The following PHACTR1 variants were observed in gnomAD, a reference collection of about 807,000 sequenced individuals.
The protein encoded by PHACTR1 is phosphatase and actin regulator 1.
A neutral mutation model predicts 69.2 loss-of-function variants in PHACTR1; 16 were observed. The observed-to-expected ratio is 0.23, with a 90% CI of 0.16 to 0.35. PHACTR1 has a LOEUF of 0.35. Ranked by LOEUF, PHACTR1 falls within the 10% of genes least tolerant of loss-of-function variation. PHACTR1 has a pLI of 1.00. For synonymous variants in PHACTR1, 312 were observed against 284.5 expected, an observed-to-expected ratio of 1.10 and a Z score of -0.97; for missense variants, 510 against 734.7, an observed-to-expected ratio of 0.69 and a Z score of 3.54.
chr6:12,931,547 G>C lies in PHACTR1; in HGVS notation c.251-121818G>C, dbSNP rs140459850. On this transcript the variant is annotated intron_variant, in intron 4 of 14. Coordinates refer to ENST00000332995, the MANE Select transcript of PHACTR1 (RefSeq NM_030948.6). ...TGCAGTCTAAGTAAGCTCATACTGT[G>C]GGGCATTGCTTATGTAAATAGCAAA... Among the ~76,000 whole-genome samples, 3 of 152,164 alleles carry C rather than the reference G, an allele frequency of 2.0e-5. No individual in the cohort carries two copies. The East Asian group carries it at 5.8e-4, about 29-fold the overall frequency.
At chr6:12,776,268 A>G (rs980573241) in intron 4 of PHACTR1, among the ~76,000 whole-genome samples, 1 of 152,228 alleles carries the variant, frequency 6.6e-6, no homozygotes, top group African/African-American at 2.4e-5. Context: ...GAAGAAAAAC[A>G]TGAGAATTTT....
At chr6:12,993,403 A>C (rs920882251) in intron 4 of PHACTR1, among the ~76,000 whole-genome samples, 1 of 152,212 alleles carries the variant, frequency 6.6e-6, no homozygotes, top group African/African-American at 2.4e-5. Flanking sequence ...ACACGTAAAG[A>C]AATAATCAGA....
At chr6:12,960,229 G>A (rs919441166) in intron 4 of PHACTR1, among the ~76,000 whole-genome samples, 5 of 152,122 alleles carry the variant, frequency 3.3e-5, no homozygotes, top group African/African-American at 7.2e-5. Context: ...ATAGAACATC[G>A]CGTAGTGCTG....
chr6:13,049,249 CT>C (rs35897489), intron 4 of PHACTR1, among the ~76,000 whole-genome samples: 18,874 of 148,554 alleles, frequency 0.13, 3,340 homozygotes, highest in African/African-American at 0.4. Flanking sequence ...TCTCATGGCA[CT>C]TTTTTTTTTA....
intron 3 of PHACTR1, among the ~76,000 whole-genome samples, chr6:12,724,083 T>C (rs1407917503): frequency 2.0e-5 from 3 of 152,186 alleles, no homozygotes; most frequent in African/African-American, 7.2e-5. Context: ...ATCCCAGCAC[T>C]TTGGGAGGCC....
At chr6:12,798,549 G>A (rs1356812722) in intron 4 of PHACTR1, among the ~76,000 whole-genome samples, 1 of 152,198 alleles carries the variant, frequency 6.6e-6, no homozygotes, top group African/African-American at 2.4e-5. Flanking sequence ...ACAACGGACT[G>A]AGTAACAAAT....
At position 12,960,836 on chromosome 6, in the gene PHACTR1, A is replaced by G. The variant is rs1336059850; in HGVS notation, c.251-92529A>G. ...ACAATTCCAAGCCTCCACTAGGGAC[A>G]ACACAGAATCTACTACCCTTAAATG... On this transcript the variant is annotated intron_variant, in intron 4 of 14. Transcript: ENST00000332995. Among the ~76,000 whole-genome samples the G allele has an allele frequency of 5.3e-5, 8 of 152,354 alleles. No individual in the cohort carries two copies. In the East Asian group the frequency reaches 1.5e-3, roughly 29 times the overall value.
At chr6:12,827,238 G>T (rs1478955528) in intron 4 of PHACTR1, among the ~76,000 whole-genome samples, 1 of 152,166 alleles carries the variant, frequency 6.6e-6, no homozygotes, top group Non-Finnish European at 1.5e-5. Flanking sequence ...TCACCACATA[G>T]ATGAGAAGGC....
chr6:12,947,463 C>A (rs1161136223), intron 4 of PHACTR1, among the ~76,000 whole-genome samples: 1 of 151,668 alleles, frequency 6.6e-6, no homozygotes, highest in African/African-American at 2.4e-5. Context: ...GGAAAAACAT[C>A]TGAAAAAACA....
At chr6:12,761,900 C>G (rs1768061727) in intron 4 of PHACTR1, among the ~76,000 whole-genome samples, 1 of 152,180 alleles carries the variant, frequency 6.6e-6, no homozygotes. Flanking sequence ...CCACTCAAAC[C>G]ATAGAATGAC....
chr6:12,734,305 G>T (rs1483419167), intron 3 of PHACTR1, among the ~76,000 whole-genome samples: 1 of 152,148 alleles, frequency 6.6e-6, no homozygotes, highest in Non-Finnish European at 1.5e-5. Flanking sequence ...TTATGCCAAG[G>T]TTTAATTTCT....
At chr6:13,284,263 A>G (rs942983239) in intron 13 of PHACTR1, among the ~76,000 whole-genome samples, 6 of 152,074 alleles carry the variant, frequency 3.9e-5, no homozygotes, top group South Asian at 2.1e-4. Flanking sequence ...CACGCCTGTA[A>G]TCCCAGCACT....
At chr6:13,018,036 T>C (rs1022819575) in intron 4 of PHACTR1, among the ~76,000 whole-genome samples, 1 of 152,192 alleles carries the variant, frequency 6.6e-6, no homozygotes. Context: ...TTCCCAAGTT[T>C]TGTTTTAGGG....
chr6:13,001,741 C>T (rs972550999), intron 4 of PHACTR1, among the ~76,000 whole-genome samples: 2 of 152,224 alleles, frequency 1.3e-5, no homozygotes, highest in Non-Finnish European at 2.9e-5. Context: ...GTCTTCTCTC[C>T]TCCTTCTCAC....
intron 7 of PHACTR1, among the ~76,000 whole-genome samples, chr6:13,191,958 T>C (rs9357634): frequency 0.23 from 34,777 of 152,216 alleles, 5,193 homozygotes; most frequent in East Asian, 0.56. Flanking sequence ...AAACAGTTTT[T>C]AAAGGATGCT....
chr6:13,287,177 C>T lies in PHACTR1; in HGVS notation c.*99C>T. The T allele has an allele frequency of 8.7e-7, 1 of 1,154,810 alleles. No individual in the cohort carries two copies. The highest frequency in any genetic ancestry group is 1.2e-6 in the Non-Finnish European group (1 of 817,632). 71.5% of individuals were successfully genotyped at this position (1,154,810 alleles called of 1,614,324 possible). On this transcript the variant is annotated 3_prime_UTR_variant, in exon 15 of 15. Coordinates refer to ENST00000332995, the MANE Select transcript of PHACTR1 (RefSeq NM_030948.6). ...TTCACTTCCCCATTACGATGTAAAT[C>T]TTCTGAACTGCCTTTTTTTTAAAAA...
chr6:13,058,393 A>G (rs1380118201), intron 5 of PHACTR1, among the ~76,000 whole-genome samples: 3 of 152,128 alleles, frequency 2.0e-5, no homozygotes, highest in Non-Finnish European at 4.4e-5. Flanking sequence ...TTGTGCTTCT[A>G]AGATTTTCTG....
intron 8 of PHACTR1, among the ~76,000 whole-genome samples, chr6:13,208,016 C>T (rs1194451617): frequency 6.6e-6 from 1 of 152,062 alleles, no homozygotes; most frequent in Non-Finnish European, 1.5e-5. Context: ...AACACCTGCC[C>T]TTGCTGCAAA....
chr6:12,819,881 T>C (rs1293126217), intron 4 of PHACTR1, among the ~76,000 whole-genome samples: 1 of 152,166 alleles, frequency 6.6e-6, no homozygotes, highest in East Asian at 1.9e-4. Context: ...TCTAGCTTAT[T>C]CTTGGGATTA....
Sources: gnomAD v4.1 joint callset for allele counts (sites outside exome capture counted in the v4.1 genomes callset) on GRCh38, gnomAD v4.1.1 for gene constraint, MANE v1.5 for transcripts, NCBI Gene and HGNC (gene_info 2026-07-23, HGNC 2026-07-21) for gene names.